Variants in PLCB1 observed in about 807,000 individuals in gnomAD.
PLCB1 encodes the protein phospholipase C beta 1, also known as 1-phosphatidylinositol 4,5-bisphosphate phosphodiesterase beta-1.
Under a neutral mutation model 161.8 loss-of-function variants are expected in PLCB1, and 46 were observed. That is an observed-to-expected ratio of 0.28 (90% CI 0.22 to 0.36). The LOEUF (loss-of-function observed/expected upper bound fraction) is 0.36, where lower values mean the gene tolerates loss of function less well. Ranked by LOEUF, PLCB1 falls within the 10% of genes least tolerant of loss-of-function variation. The pLI is 1.00. For missense variants in PLCB1, 1,016 were observed against 1,472.5 expected (o/e 0.69, Z 5.07); for synonymous variants, 517 against 503.7 (o/e 1.03, Z -0.35).
At chr20:8,704,461 T>G (rs972936344) in intron 11 of PLCB1, among the ~76,000 whole-genome samples, 1 of 152,252 alleles carries the variant, frequency 6.6e-6, no homozygotes, top group African/African-American at 2.4e-5. Context: ...GCCATGAAGT[T>G]GTTAAAAAGT....
chr20:8,231,904 A>G (rs1645483600), intron 2 of PLCB1, among the ~76,000 whole-genome samples: 1 of 152,200 alleles, frequency 6.6e-6, no homozygotes, highest in Non-Finnish European at 1.5e-5. Flanking sequence ...GCTATTTTAT[A>G]TATACTGTAT....
rs1053266298 is a variant in PLCB1 at position 8,538,892 on chromosome 20, C to T, written c.247-89402C>T. On this transcript the variant is annotated intron_variant, in intron 3 of 31. Coordinates refer to ENST00000338037, the MANE Select transcript of PLCB1 (RefSeq NM_015192.4). ...CACTGCAACCTCTGCCTCCCGGGTTCAAGTGGTTCTCCTGCCTCAGCCTTC... is the reference window on the plus strand; with the variant it reads ...CACTGCAACCTCTGCCTCCCGGGTTTAAGTGGTTCTCCTGCCTCAGCCTTC... Among the ~76,000 whole-genome samples, 10 of 151,176 alleles carry T rather than the reference C, an allele frequency of 6.6e-5. 1 individual carries two copies. Among genetic ancestry groups the T allele is most frequent in the Admixed American group, 2.6e-4 (4 of 15,114 alleles).
intron 3 of PLCB1, among the ~76,000 whole-genome samples, chr20:8,615,933 C>T (rs985710133): frequency 6.6e-6 from 1 of 152,054 alleles, no homozygotes; most frequent in Admixed American, 6.6e-5. Flanking sequence ...ATAATCATAC[C>T]CTGTACTCCT....
intron 31 of PLCB1, among the ~76,000 whole-genome samples, chr20:8,808,161 C>T (rs1984632297): frequency 1.3e-5 from 2 of 152,208 alleles, no homozygotes; most frequent in Non-Finnish European, 2.9e-5. Flanking sequence ...TTGTGTTACT[C>T]TGCTCAGCTT....
Position 8,611,463 on chromosome 20 carries a change from G to C in PLCB1, c.247-16831G>C, listed in dbSNP as rs1294672568. 2.0e-5 allele frequency among the ~76,000 whole-genome samples: 3 copies of C among 152,080 alleles called. No homozygotes were observed. In the East Asian group the frequency reaches 5.8e-4, roughly 29 times the overall value. ...CAGTTCATTCACATCAAGTTACCTA[G>C]TCAGTCTGGGTTGATTACCTTAAAA... On this transcript the variant is annotated intron_variant, in intron 3 of 31. Coordinates refer to ENST00000338037, the MANE Select transcript of PLCB1 (RefSeq NM_015192.4).
At chr20:8,409,740 G>T (rs1256349949) in intron 3 of PLCB1, among the ~76,000 whole-genome samples, 1 of 152,062 alleles carries the variant, frequency 6.6e-6, no homozygotes, top group African/African-American at 2.4e-5. Flanking sequence ...TGAGATTACA[G>T]GCATGAGCCA....
intron 24 of PLCB1, among the ~76,000 whole-genome samples, chr20:8,757,873 A>G (rs1183775837): frequency 6.6e-6 from 1 of 151,490 alleles, no homozygotes; most frequent in Non-Finnish European, 1.5e-5. Flanking sequence ...ATGAATAAAT[A>G]AATAAATAAA....
chr20:8,653,802 A>G (rs1474532779), intron 7 of PLCB1, among the ~76,000 whole-genome samples: 1 of 152,094 alleles, frequency 6.6e-6, no homozygotes, highest in Admixed American at 6.6e-5. Context: ...TATAGAATTA[A>G]GCAACTCAGA....
rs142145438 is a variant in PLCB1 at position 8,260,329 on chromosome 20, C to T, written c.177+109958C>T. ...AAACTCCTGGGCTCAAGCAATTCTC[C>T]CCTCCTGAGCCTCCCGAAATGCTGG... On this transcript the variant is annotated intron_variant, in intron 2 of 31. Coordinates refer to ENST00000338037, the MANE Select transcript of PLCB1 (RefSeq NM_015192.4). 3.3e-5 allele frequency among the ~76,000 whole-genome samples: 5 copies of T among 151,924 alleles called. No homozygotes were observed. The East Asian group carries it at 9.7e-4, about 29-fold the overall frequency.
At chr20:8,495,118 A>G (rs1360610396) in intron 3 of PLCB1, among the ~76,000 whole-genome samples, 1 of 151,960 alleles carries the variant, frequency 6.6e-6, no homozygotes, top group African/African-American at 2.4e-5. Flanking sequence ...GAGGAGAATG[A>G]TAACTGAACT....
At chr20:8,859,030 A>T (rs1987164293) in intron 31 of PLCB1, among the ~76,000 whole-genome samples, 1 of 152,030 alleles carries the variant, frequency 6.6e-6, no homozygotes, top group Admixed American at 6.6e-5. Context: ...CCACCTGGGC[A>T]AGGAAACTGG....
chr20:8,366,778 T>C, intron 2 of PLCB1, among the ~76,000 whole-genome samples: 1 of 149,542 alleles, frequency 6.7e-6, no homozygotes, highest in East Asian at 1.9e-4. Context: ...CATGCCTCGT[T>C]TAATGATTCC....
intron 31 of PLCB1, among the ~76,000 whole-genome samples, chr20:8,844,970 C>T (rs1364693918): frequency 6.6e-6 from 1 of 151,700 alleles, no homozygotes; most frequent in Non-Finnish European, 1.5e-5. Flanking sequence ...AAAAATTAGC[C>T]GGGTGAGGTG....
chr20:8,628,939 A>T (rs985431684), intron 4 of PLCB1, among the ~76,000 whole-genome samples: 2 of 152,160 alleles, frequency 1.3e-5, no homozygotes, highest in Non-Finnish European at 2.9e-5. Flanking sequence ...TCTCAAAAAA[A>T]AAAAATAAAT....
intron 3 of PLCB1, among the ~76,000 whole-genome samples, chr20:8,430,518 A>C (rs1979992936): frequency 6.6e-6 from 1 of 152,216 alleles, no homozygotes; most frequent in Admixed American, 6.5e-5. Context: ...TGCAAGTCTC[A>C]TGGGTATATG....
intron 3 of PLCB1, among the ~76,000 whole-genome samples, chr20:8,463,261 G>C (rs1981669818): frequency 6.6e-6 from 1 of 151,284 alleles, no homozygotes; most frequent in Non-Finnish European, 1.5e-5. Context: ...GCCTCTCAAA[G>C]ATTCAAAGAA....
At chr20:8,645,912 A>G (rs1235806316) in intron 4 of PLCB1, among the ~76,000 whole-genome samples, 190 bp from the exon 5 acceptor site, 1 of 152,238 alleles carries the variant, frequency 6.6e-6, no homozygotes, top group Non-Finnish European at 1.5e-5. Context: ...TTTGGAAAAG[A>G]GTAGTCTCTC....
In PLCB1 at chr20:8,308,357, C is replaced by CT. The variant is rs1984230422; in HGVS notation, c.178-63024dup. ...TTCAGCCGGGCGCAGTGGCTCATGCCTGTAATCCCAGCACTTCGGGAGGCC... is the reference window on the plus strand; with the variant it reads ...TTCAGCCGGGCGCAGTGGCTCATGCCTTGTAATCCCAGCACTTCGGGAGGCC... On this transcript the variant is annotated intron_variant, in intron 2 of 31. Coordinates refer to ENST00000338037, the MANE Select transcript of PLCB1 (RefSeq NM_015192.4). Among the ~76,000 whole-genome samples the CT allele has an allele frequency of 3.9e-5, 6 of 152,038 alleles. No homozygotes were observed. The South Asian group carries it at 1.3e-3, about 32-fold the overall frequency.
chr20:8,716,219 G>T, intron 12 of PLCB1, 45 bp from the exon 13 acceptor site: 1 of 1,426,046 alleles, frequency 7.0e-7, no homozygotes, highest in Non-Finnish European at 9.9e-7. Flanking sequence ...AGGTTCTTTG[G>T]ATAAGCCTCC....
Sources: gnomAD v4.1 joint callset for allele counts (sites outside exome capture counted in the v4.1 genomes callset) on GRCh38, gnomAD v4.1.1 for gene constraint, MANE v1.5 for transcripts, NCBI Gene and HGNC (gene_info 2026-07-23, HGNC 2026-07-21) for gene names.